ATP8B1: variants seen among roughly 807,000 people sequenced by gnomAD.
ATP8B1 encodes ATPase phospholipid transporting 8B1.
Under a neutral mutation model 149.9 loss-of-function variants are expected in ATP8B1, and 80 were observed. The observed-to-expected ratio is 0.53, with a 90% CI of 0.45 to 0.64. The LOEUF is 0.64. Among genes scored for constraint, ATP8B1 ranks in the 30% least tolerant of loss-of-function variants. The pLI, the probability that ATP8B1 is intolerant of heterozygous loss-of-function variation, is 0.00. For missense variants in ATP8B1, 1,247 were observed against 1,552.6 expected (o/e 0.80, Z 3.31); for synonymous variants, 536 against 562.8 (o/e 0.95, Z 0.67).
intron 1 of ATP8B1, among the ~76,000 whole-genome samples, chr18:57,749,691 G>C (rs1031147050): frequency 6.6e-6 from 1 of 152,104 alleles, no homozygotes; most frequent in African/African-American, 2.4e-5. Context: ...GGAGGAAGCA[G>C]GCTCTGGCTG....
At position 57,695,154 on chromosome 18, in the gene ATP8B1, A is replaced by G. The variant is rs1912743934; in HGVS notation, c.940+17T>C. On this transcript the variant is annotated intron_variant, in intron 10 of 27. Transcript: ENST00000648908. ...AAGATCATAGCTGATTAATTTCCCA[A>G]GAAACTCTGAACGTACCTGCAAAAA... 1 of 1,613,870 alleles carries G rather than the reference A, an allele frequency of 6.2e-7. No homozygotes were observed. The highest frequency in any genetic ancestry group is 8.5e-7 in the Non-Finnish European group (1 of 1,179,954).
At chr18:57,730,219 C>T (rs960524251) in intron 2 of ATP8B1, among the ~76,000 whole-genome samples, 3 of 150,034 alleles carry the variant, frequency 2.0e-5, no homozygotes, top group African/African-American at 7.4e-5. Context: ...TAGCAGAACC[C>T]AAGAAAGAGA....
At chr18:57,699,856 C>G (rs1913031253) in intron 6 of ATP8B1, among the ~76,000 whole-genome samples, 1 of 152,144 alleles carries the variant, frequency 6.6e-6, no homozygotes, top group Admixed American at 6.5e-5. Flanking sequence ...CCTGGCCAAC[C>G]CATATGTTTA....
At chr18:57,658,202 C>A (rs1020706913) in intron 22 of ATP8B1, among the ~76,000 whole-genome samples, 1 of 151,960 alleles carries the variant, frequency 6.6e-6, no homozygotes. Flanking sequence ...GCCCGCCACC[C>A]CCATGCCCGG....
chr18:57,648,339 T>A lies in ATP8B1; in HGVS notation c.*149A>T. On this transcript the variant is annotated 3_prime_UTR_variant, in exon 28 of 28. Coordinates refer to ENST00000648908, the MANE Select transcript of ATP8B1 (RefSeq NM_001374385.1). ...TCTTGGCTCTGCTATTGTTTAATAG[T>A]CCAACCCAAGGAGTTTGTTATAAAG... 1 of 977,126 alleles carries A rather than the reference T, an allele frequency of 1.0e-6. No individual in the cohort carries two copies. Among genetic ancestry groups the A allele is most frequent in the Non-Finnish European group, 1.6e-6 (1 of 636,884 alleles). The allele number at this position is 977,126 out of a possible 1,614,324, so 60.5% of individuals were successfully genotyped here.
chr18:57,722,263 G>A (rs1037714847), intron 2 of ATP8B1, among the ~76,000 whole-genome samples: 14 of 148,870 alleles, frequency 9.4e-5, no homozygotes, highest in African/African-American at 2.7e-4. Context: ...AGAACTGAAG[G>A]AAATAGAGAC....
chr18:57,677,438 G>A (rs1008600672), intron 15 of ATP8B1, among the ~76,000 whole-genome samples: 20 of 152,142 alleles, frequency 1.3e-4, no homozygotes, highest in Non-Finnish European at 2.6e-4. Flanking sequence ...TGGACAGAAA[G>A]AGCATTTAGT....
chr18:57,801,178 G>A lies in ATP8B1; in HGVS notation c.-26+1820C>T, dbSNP rs1468617982. 3.3e-5 allele frequency among the ~76,000 whole-genome samples: 5 copies of A among 152,300 alleles called. No individual in the cohort carries two copies. In the East Asian group the frequency reaches 9.6e-4, roughly 29 times the overall value. ...CAGCCAGAGCTGACCTCACACAGGTGGCATCTGTGTTGGACAGTAATAACC... is the reference window on the plus strand; with the variant it reads ...CAGCCAGAGCTGACCTCACACAGGTAGCATCTGTGTTGGACAGTAATAACC... On this transcript the variant is annotated intron_variant, in intron 1 of 27. Coordinates refer to ENST00000648908, the MANE Select transcript of ATP8B1 (RefSeq NM_001374385.1).
Position 57,802,061 on chromosome 18 carries a change from C to CA in ATP8B1, c.-26+936_-26+937insT, listed in dbSNP as rs1007120102. Reference sequence around the variant, plus strand: ...ATCTGCGCTCCGAGCACCGCCCCCCCCCGCAACCAGCCACCAACCCCCGGC... The same window carrying CA: ...ATCTGCGCTCCGAGCACCGCCCCCCCACCGCAACCAGCCACCAACCCCCGGC... On this transcript the variant is annotated intron_variant, in intron 1 of 27. Coordinates refer to ENST00000648908, the MANE Select transcript of ATP8B1 (RefSeq NM_001374385.1). This position sits in a 1 kb window ranked among gnomAD's most constrained non-coding sequence, Gnocchi z 4.9. The CA allele has an allele frequency of 6.6e-6, 1 of 151,792 alleles. No homozygotes were observed. The highest frequency in any genetic ancestry group is 2.4e-5 in the African/African-American group (1 of 41,204). 9.4% of individuals were successfully genotyped at this position (151,792 alleles called of 1,614,324 possible). A position where few individuals can be genotyped will look rare whatever the true frequency, so the allele number is the denominator to read the frequency against.
chr18:57,802,706 C>A lies in ATP8B1; in HGVS notation c.-26+292G>T, dbSNP rs2080592493. 1.3e-5 allele frequency among the ~76,000 whole-genome samples: 2 copies of A among 152,236 alleles called. No homozygotes were observed. The highest frequency in any genetic ancestry group is 2.9e-5 in the Non-Finnish European group (2 of 68,048). ...TGTGTGTCGCTACCGATCGAAGAAC[C>A]CAAACACCCCGAGATTTCCCTCCTC... On this transcript the variant is annotated intron_variant, in intron 1 of 27. Coordinates refer to ENST00000648908, the MANE Select transcript of ATP8B1 (RefSeq NM_001374385.1). This position sits in a 1 kb window ranked among gnomAD's most constrained non-coding sequence, Gnocchi z 4.9.
At chr18:57,695,095 A>T (rs1912738276) in intron 10 of ATP8B1, 76 bp downstream of exon 10, 1 of 1,501,710 alleles carries the variant, frequency 6.7e-7, no homozygotes, top group African/African-American at 1.4e-5. Context: ...TTTGATGGAC[A>T]AAGGACAGAA....
intron 12 of ATP8B1, among the ~76,000 whole-genome samples, chr18:57,689,592 C>T (rs1471832202): frequency 6.6e-6 from 1 of 152,164 alleles, no homozygotes; most frequent in Admixed American, 6.5e-5. Flanking sequence ...TACCAGATAC[C>T]ATTCTAGGTG....
intron 1 of ATP8B1, among the ~76,000 whole-genome samples, chr18:57,771,099 G>A (rs1314214662): frequency 6.6e-6 from 1 of 152,214 alleles, no homozygotes; most frequent in Non-Finnish European, 1.5e-5. Context: ...CTTTTCAAGT[G>A]ATCTGCCCAC....
At chr18:57,764,813 G>T (rs1157571385) in intron 1 of ATP8B1, among the ~76,000 whole-genome samples, 1 of 149,916 alleles carries the variant, frequency 6.7e-6, no homozygotes, top group Non-Finnish European at 1.5e-5. Flanking sequence ...CTGCAGAGGA[G>T]TTGAAACACT....
intron 2 of ATP8B1, among the ~76,000 whole-genome samples, chr18:57,729,602 G>A (rs763053115): frequency 6.9e-6 from 1 of 144,268 alleles, no homozygotes; most frequent in East Asian, 2.1e-4. Flanking sequence ...CCAGGCTGGA[G>A]TGCAATGGCA....
rs1415654053 is a variant in ATP8B1, at chr18:57,684,091, T to A, written c.1575A>T (p.Arg525=). 5 of 1,614,022 alleles carry A rather than the reference T, an allele frequency of 3.1e-6. No homozygotes were observed. The highest frequency in any genetic ancestry group is 4.2e-6 in the Non-Finnish European group (5 of 1,180,038). ...QIQSGKEPEV[R]QFFFLLAVCH... is the part of the protein sequence containing the mutation. ...AAACTGCGAGCAAGAAGAAGAACTG[T>A]CGTACTTCTGGCTCTTTCCCTGACT... The change falls in exon 15 of 28, where the codon CGA becomes CGT. Residue 525 remains arginine (R), a synonymous_variant. Transcript: ENST00000648908.
chr18:57,768,284 G>A (rs1013480162), intron 1 of ATP8B1, among the ~76,000 whole-genome samples: 8 of 151,146 alleles, frequency 5.3e-5, no homozygotes, highest in Non-Finnish European at 1.0e-4. Flanking sequence ...CTACTGGGGA[G>A]GCTGAGGCAG....
At chr18:57,770,034 A>T (rs944706787) in intron 1 of ATP8B1, among the ~76,000 whole-genome samples, 8 of 151,416 alleles carry the variant, frequency 5.3e-5, no homozygotes, top group South Asian at 2.1e-4. Context: ...CATCCTGCTC[A>T]TAAAACCCTC....
At chr18:57,675,701 T>C (rs1230853925) in intron 15 of ATP8B1, among the ~76,000 whole-genome samples, 1 of 152,144 alleles carries the variant, frequency 6.6e-6, no homozygotes, top group Non-Finnish European at 1.5e-5. Flanking sequence ...ACCTGGCTTA[T>C]TCTCTTTCTT....
Sources: allele counts gnomAD v4.1 joint callset (sites outside exome capture counted in the v4.1 genomes callset), GRCh38; gene constraint gnomAD v4.1.1; non-coding constraint Gnocchi (gnomAD v3.1); transcripts MANE v1.5; gene names NCBI Gene and HGNC (gene_info 2026-07-23, HGNC 2026-07-21).